ARHGAP22: variants seen among roughly 807,000 people sequenced by gnomAD.
ARHGAP22 encodes Rho GTPase activating protein 22.
In ARHGAP22, 48 loss-of-function variants were observed where a neutral mutation model predicts 59.1. The observed-to-expected ratio is 0.81, with a 90% CI of 0.64 to 1.03. The LOEUF (loss-of-function observed/expected upper bound fraction) is 1.03. Among genes scored for constraint, ARHGAP22 ranks in the 50% least tolerant of loss-of-function variants. The pLI is 0.00. For missense variants in ARHGAP22, 1,015 were observed against 958.7 expected, an observed-to-expected ratio of 1.06 and a Z score of -0.78; for synonymous variants, 445 against 416.4, an observed-to-expected ratio of 1.07 and a Z score of -0.84.
chr10:48,507,613 C>T (rs532345429), intron 3 of ARHGAP22, among the ~76,000 whole-genome samples: 15 of 152,244 alleles, frequency 9.9e-5, no homozygotes, highest in Non-Finnish European at 1.3e-4. Flanking sequence ...CTGCCCCACA[C>T]CTCTGTGTGC....
At chr10:48,521,796 GAA>G (rs1016481395) in intron 3 of ARHGAP22, among the ~76,000 whole-genome samples, 1 of 152,202 alleles carries the variant, frequency 6.6e-6, no homozygotes, top group Non-Finnish European at 1.5e-5. Flanking sequence ...TGTGTGCCAT[GAA>G]ATGCTCTATG....
intron 3 of ARHGAP22, among the ~76,000 whole-genome samples, chr10:48,482,709 A>C (rs899951709): frequency 3.3e-5 from 5 of 152,168 alleles, no homozygotes; most frequent in African/African-American, 1.2e-4. Context: ...GTTTTGTTAC[A>C]TGCATAGAGT....
chr10:48,641,372 G>A (rs898769541), intron 1 of ARHGAP22, among the ~76,000 whole-genome samples: 2 of 152,046 alleles, frequency 1.3e-5, no homozygotes, highest in African/African-American at 4.8e-5. Context: ...GACACAAACT[G>A]GTTAAAAGAA....
At chr10:48,549,684 C>T (rs796726561) in intron 3 of ARHGAP22, among the ~76,000 whole-genome samples, 2 of 152,312 alleles carry the variant, frequency 1.3e-5, no homozygotes, top group African/African-American at 4.8e-5. Flanking sequence ...GGTCCTCCTC[C>T]TCTTGGAATA....
rs1395780708 is a variant in ARHGAP22 at position 48,450,449 on chromosome 10, G to C, written c.1680C>G (p.Asp560Glu). The C allele has an allele frequency of 6.4e-7, 1 of 1,553,918 alleles. No individual in the cohort carries two copies. Among genetic ancestry groups the C allele is most frequent in the Admixed American group, 1.9e-5 (1 of 52,606 alleles). The change falls in exon 9 of 10, where the codon GAC becomes GAG. Residue 560 changes from aspartate to glutamate, a missense_variant. Coordinates refer to ENST00000249601, the MANE Select transcript of ARHGAP22 (RefSeq NM_021226.4). ...EPSPLPSSSEDPKSLDLDHSM... is the reference protein window; with the variant it reads ...EPSPLPSSSEEPKSLDLDHSM... The stretch of plus-strand genomic sequence containing the variant: ...TGTGGTCCAGGTCCAGGGACTTGGG[G>C]TCCTCGCTGCTGCTGGGGAGCGGGG...
intron 1 of ARHGAP22, among the ~76,000 whole-genome samples, chr10:48,597,150 C>T (rs949383367): frequency 6.6e-6 from 1 of 152,108 alleles, no homozygotes. Flanking sequence ...GCTGGACATG[C>T]ACCTCTCCTT....
At chr10:48,581,898 C>CTT (rs2059143143) in intron 2 of ARHGAP22, among the ~76,000 whole-genome samples, 1 of 152,214 alleles carries the variant, frequency 6.6e-6, no homozygotes, top group Non-Finnish European at 1.5e-5. Flanking sequence ...GCACTGAAAG[C>CTT]TCTAAGTAAG....
chr10:48,647,477 C>G (rs79453921), intron 1 of ARHGAP22, among the ~76,000 whole-genome samples: 3,720 of 152,222 alleles, frequency 0.024, 144 homozygotes, highest in African/African-American at 0.085. Flanking sequence ...AATGGTTAAG[C>G]AAATGCAAAT....
At chr10:48,636,695 G>A (rs972834784) in intron 1 of ARHGAP22, among the ~76,000 whole-genome samples, 3 of 152,188 alleles carry the variant, frequency 2.0e-5, no homozygotes, top group African/African-American at 7.2e-5. Context: ...CAAGACCCAT[G>A]GCTATAGTCA....
At chr10:48,606,086 T>A (rs988533137), upstream of ARHGAP22, among the ~76,000 whole-genome samples, 21 of 152,184 alleles carry the variant, frequency 1.4e-4, no homozygotes, top group African/African-American at 4.8e-4. Flanking sequence ...TCTGGCTATT[T>A]GGGCCTGAGA....
At chr10:48,514,335 G>C (rs184044688) in intron 3 of ARHGAP22, among the ~76,000 whole-genome samples, 1 of 152,152 alleles carries the variant, frequency 6.6e-6, no homozygotes, top group African/African-American at 2.4e-5. Flanking sequence ...CAAAGGCAAA[G>C]AATCTTGAAA....
intron 3 of ARHGAP22, among the ~76,000 whole-genome samples, chr10:48,547,309 T>G (rs945217570): frequency 6.6e-6 from 1 of 152,244 alleles, no homozygotes; most frequent in Non-Finnish European, 1.5e-5. Flanking sequence ...GCTACTACCA[T>G]GGTCTCTGAA....
chr10:48,590,903 G>C (rs950719187), intron 1 of ARHGAP22, among the ~76,000 whole-genome samples: 3 of 152,200 alleles, frequency 2.0e-5, no homozygotes, highest in African/African-American at 7.2e-5. Flanking sequence ...ACAAGAGCCT[G>C]TGACTGCCAG....
At chr10:48,581,629 C>T (rs560892207) in intron 2 of ARHGAP22, among the ~76,000 whole-genome samples, 164 of 152,346 alleles carry the variant, frequency 1.1e-3, no homozygotes, top group Middle Eastern at 3.4e-3. Context: ...AGCAGTCTTA[C>T]TTCTAATTAA....
At chr10:48,431,632 TTAGTACATGTAA>T in the ARHGAP22 span, among the ~76,000 whole-genome samples, 1 of 152,210 alleles carries the variant, frequency 6.6e-6, no homozygotes, top group Non-Finnish European at 1.5e-5. Context: ...ACTGCAAAAT[TTAGTACATGTAA>T]TACCAAATTG....
At chr10:48,577,027 T>C (rs928435941) in intron 2 of ARHGAP22, among the ~76,000 whole-genome samples, 9 of 151,844 alleles carry the variant, frequency 5.9e-5, no homozygotes, top group African/African-American at 1.9e-4. Context: ...ATTTCAAGCA[T>C]TTCTCTAAAG....
At chr10:48,441,291 A>G (rs2045195547), downstream of ARHGAP22, among the ~76,000 whole-genome samples, 1 of 152,148 alleles carries the variant, frequency 6.6e-6, no homozygotes, top group Admixed American at 6.5e-5. Flanking sequence ...GTTAACCTAG[A>G]GAAGTGCAAG....
intron 1 of ARHGAP22, among the ~76,000 whole-genome samples, chr10:48,587,593 C>A (rs2059505389): frequency 6.6e-6 from 1 of 152,180 alleles, no homozygotes; most frequent in Non-Finnish European, 1.5e-5. Context: ...ACTGTCTATT[C>A]TTGAATTCTC....
intron 3 of ARHGAP22, among the ~76,000 whole-genome samples, chr10:48,498,237 C>T (rs1177698244): frequency 6.6e-6 from 1 of 152,116 alleles, no homozygotes; most frequent in Non-Finnish European, 1.5e-5. Context: ...TACCTACTCT[C>T]GCATCCCTGC....
Sources: allele counts gnomAD v4.1 joint callset (sites outside exome capture counted in the v4.1 genomes callset), GRCh38; gene constraint gnomAD v4.1.1; transcripts MANE v1.5; gene names NCBI Gene and HGNC (gene_info 2026-07-23, HGNC 2026-07-21).